The following ZKSCAN7 variants were observed in gnomAD, a reference collection of about 807,000 sequenced individuals.
ZKSCAN7 encodes the protein zinc finger with KRAB and SCAN domains 7, also known as zinc finger protein with KRAB and SCAN domains 7.
ZKSCAN7 carries 38 observed loss-of-function variants against 65.3 expected under a neutral mutation model. The observed-to-expected ratio is 0.58, with a 90% CI of 0.45 to 0.76. The LOEUF is 0.76. Ranked by LOEUF, ZKSCAN7 falls within the 30% of genes least tolerant of loss-of-function variation. ZKSCAN7 has a pLI of 0.00. For synonymous variants in ZKSCAN7, 321 were observed against 321.0 expected (o/e 1.00, Z 0.00); for missense variants, 815 against 913.3 (o/e 0.89, Z 1.39).
At chr3:44,567,581 G>A (rs1432942831) in intron 3 of ZKSCAN7, among the ~76,000 whole-genome samples, 3 of 152,170 alleles carry the variant, frequency 2.0e-5, no homozygotes, top group African/African-American at 7.2e-5. Context: ...GCAGGAGCAG[G>A]CATGAGGAAC....
intron 5 of ZKSCAN7, among the ~76,000 whole-genome samples, chr3:44,582,777 C>T (rs2125739092): frequency 6.6e-6 from 1 of 152,256 alleles, no homozygotes; most frequent in African/African-American, 2.4e-5. Context: ...AATCATTCCT[C>T]CCTGGGACCA....
chr3:44,574,363 C>G (rs1238047025), downstream of ZKSCAN7, among the ~76,000 whole-genome samples: 3 of 152,156 alleles, frequency 2.0e-5, no homozygotes, highest in Non-Finnish European at 2.9e-5. Context: ...GTCCGCCTGT[C>G]TTGGCCTACC....
At position 44,580,869 on chromosome 3, in the gene ZKSCAN7, G is replaced by A. The variant is rs538772492; in HGVS notation, c.812-2103G>A. On this transcript the variant is annotated intron_variant, in intron 5 of 5. Transcript: ENST00000341840. ...GTTGTCAAAGTCGGTCCCATCTGGA[G>A]CCAGGAGGAGCCAACCGCCATAAAT... The A allele has an allele frequency of 3.6e-4, 574 of 1,613,558 alleles. 8 individuals are homozygous for A. In the South Asian group the frequency reaches 6.1e-3, roughly 17 times the overall value.
In ZKSCAN7 at chr3:44,571,061, A is replaced by G; in HGVS notation, c.1951A>G (p.Ile651Val). The change falls in exon 6 of 6, where the codon ATT (isoleucine) becomes GTT (valine). Residue 651 changes from isoleucine (I) to valine (V), a missense_variant. Ile to Val is a conservative substitution (Grantham distance 29). This residue lies in a region of ZKSCAN7 where 578 missense variants were observed against 629.5 expected (regional missense o/e 0.92). Coordinates refer to ENST00000426540, the MANE Select transcript of ZKSCAN7 (RefSeq NM_001288590.2). ...ATCCTTCAATCAAAACTCACACCTT[A>G]TTATACACCAGAGAATTCACACTGG... ...GKSFNQNSHLIIHQRIHTGEK... is the reference protein window; with the variant it reads ...GKSFNQNSHLVIHQRIHTGEK... 1 of 1,614,180 alleles carries G rather than the reference A, an allele frequency of 6.2e-7. No individual in the cohort carries two copies. Among genetic ancestry groups the G allele is most frequent in the Non-Finnish European group, 8.5e-7 (1 of 1,180,016 alleles).
chr3:44,557,091 G>C lies in ZKSCAN7; in HGVS notation c.44G>C (p.Ser15Thr), dbSNP rs1559421204. 16 of 1,614,256 alleles carry C rather than the reference G, an allele frequency of 9.9e-6. No homozygotes were observed. The highest frequency in any genetic ancestry group is 1.4e-5 in the Non-Finnish European group (16 of 1,180,048). The change falls in exon 2 of 6, where the codon AGC becomes ACC. Residue 15 changes from serine to threonine, a missense_variant. Ser to Thr is a moderately conservative substitution (Grantham distance 58). Transcript: ENST00000426540. Reference protein sequence around the residue: ...GRGNLGLIPRSTAFQKQEGRL... With the variant: ...GRGNLGLIPRTTAFQKQEGRL... ...GGAAATTTAGGCCTCATCCCCAGGAGCACTGCTTTCCAGAAGCAAGAGGGG... is the reference window on the plus strand; with the variant it reads ...GGAAATTTAGGCCTCATCCCCAGGACCACTGCTTTCCAGAAGCAAGAGGGG...
chr3:44,578,718 C>T (rs540444836), intron 5 of ZKSCAN7, among the ~76,000 whole-genome samples: 2 of 152,278 alleles, frequency 1.3e-5, no homozygotes, highest in African/African-American at 2.4e-5. Flanking sequence ...TTCATGGCTT[C>T]GATGGCTGAG....
rs1189089074 is a variant in ZKSCAN7 at position 44,572,157 on chromosome 3, C to T, written c.*782C>T. The T allele has an allele frequency of 2.0e-6, 2 of 985,270 alleles. No individual in the cohort carries two copies. Among genetic ancestry groups the T allele is most frequent in the African/African-American group, 1.7e-5 (1 of 57,224 alleles). 61.0% of individuals were successfully genotyped at this position (985,270 alleles called of 1,614,324 possible). ...GTTAAATAAATAATTTTTAAAATCT[C>T]AGCTCTCACATTGAATTATCCTTAA... On this transcript the variant is annotated 3_prime_UTR_variant, in exon 6 of 6. Transcript: ENST00000426540.
Position 44,568,380 on chromosome 3 carries a change from G to C in ZKSCAN7, c.758G>C (p.Arg253Thr). 6 of 1,614,174 alleles carry C rather than the reference G, an allele frequency of 3.7e-6. No individual in the cohort carries two copies. Among genetic ancestry groups the C allele is most frequent in the Non-Finnish European group, 5.1e-6 (6 of 1,180,026 alleles). ...KKWKSLTLSQ[R>T]ALQWNMMPEN... is the part of the protein sequence containing the mutation. The stretch of plus-strand genomic sequence containing the variant: ...TGGAAAAGTCTCACACTCAGTCAGA[G>C]AGCCCTGCAGTGGAACATGATGCCA... The change falls in exon 5 of 6, where the codon AGA becomes ACA. Residue 253 changes from arginine to threonine, a missense_variant. Physicochemically the swap from Arg to Thr is moderately conservative, Grantham distance 71. Coordinates refer to ENST00000426540, the MANE Select transcript of ZKSCAN7 (RefSeq NM_001288590.2).
chr3:44,571,202 A>C lies in ZKSCAN7; in HGVS notation c.2092A>C (p.Lys698Gln), dbSNP rs1388520144. The change falls in exon 6 of 6, where the codon AAA becomes CAA. Residue 698 changes from lysine (K) to glutamine (Q), a missense_variant. Physicochemically the swap from Lys to Gln is moderately conservative, Grantham distance 53. Coordinates refer to ENST00000426540, the MANE Select transcript of ZKSCAN7 (RefSeq NM_001288590.2). ...ACCCTATAAATGCAATGATTGTGGG[A>C]AAGCTTTTAGTGACAGCTCACAGCT... ...EKPYKCNDCGKAFSDSSQLIV... is the reference protein window; with the variant it reads ...EKPYKCNDCGQAFSDSSQLIV... 6.2e-7 allele frequency: 1 copy of C among 1,614,218 alleles called. No homozygotes were observed.
chr3:44,574,077 G>A (rs762245779), downstream of ZKSCAN7, among the ~76,000 whole-genome samples: 3 of 152,018 alleles, frequency 2.0e-5, no homozygotes, highest in Non-Finnish European at 4.4e-5. Flanking sequence ...TCATTTTCTA[G>A]GTATATAATA....
downstream of ZKSCAN7, among the ~76,000 whole-genome samples, chr3:44,575,664 G>A (rs1699908602): frequency 1.3e-5 from 2 of 152,082 alleles, no homozygotes; most frequent in Admixed American, 1.3e-4. Flanking sequence ...TGCAACCTCC[G>A]CCTCCCAGGT....
Position 44,569,982 on chromosome 3 carries a change from C to A in ZKSCAN7, c.872C>A (p.Ser291Ter), listed in dbSNP as rs370611498. Residue 291 changes from serine (S) to a stop codon, truncating the protein, a stop_gained, in exon 6 of 6, where the codon TCA becomes TAA. Transcript: ENST00000426540. LOFTEE classifies it high-confidence loss of function. Reference sequence around the variant, plus strand: ...CCAAAGCAGGAATTTTTTAAAGGATCAGAGTCATCTAACAGGACATCAGGG... The same window carrying A: ...CCAAAGCAGGAATTTTTTAAAGGATAAGAGTCATCTAACAGGACATCAGGG... ...LTPKQEFFKG[S>*]ESSNRTSGGL... The A allele has an allele frequency of 5.3e-5, 84 of 1,599,990 alleles. No homozygotes were observed. The highest frequency in any genetic ancestry group is 6.7e-5 in the Non-Finnish European group (79 of 1,174,578).
chr3:44,583,245 T>C (rs922957845), exon 6 of ZKSCAN7: 1 of 213,984 alleles, frequency 4.7e-6, no homozygotes, highest in Non-Finnish European at 9.4e-6. Flanking sequence ...TTTAAGTTTC[T>C]TGATGTAGTG....
chr3:44,560,506 CTTTTT>C (rs33986362), intron 2 of ZKSCAN7, among the ~76,000 whole-genome samples: 29 of 108,414 alleles, frequency 2.7e-4, no homozygotes, highest in Admixed American at 7.6e-4. Context: ...TTTCCTGTAT[CTTTTT>C]TTTTTTTTTT....
chr3:44,567,197 A>T (rs1449979589), intron 3 of ZKSCAN7, among the ~76,000 whole-genome samples: 2 of 151,620 alleles, frequency 1.3e-5, no homozygotes, highest in African/African-American at 4.8e-5. Flanking sequence ...AAAGAAAGAG[A>T]GGGAGGGAGG....
At chr3:44,582,139 G>T (rs990722007) in intron 5 of ZKSCAN7, among the ~76,000 whole-genome samples, 4 of 152,160 alleles carry the variant, frequency 2.6e-5, no homozygotes, top group African/African-American at 9.7e-5. Context: ...ATTACAGCTG[G>T]CTCCACAAGC....
intron 2 of ZKSCAN7, among the ~76,000 whole-genome samples, chr3:44,558,762 T>C (rs985238624): frequency 6.7e-6 from 1 of 148,672 alleles, no homozygotes; most frequent in African/African-American, 2.5e-5. Flanking sequence ...CTTCCTCGTC[T>C]GCTTTCTCCT....
chr3:44,561,504 C>A (rs1021178947), intron 2 of ZKSCAN7, among the ~76,000 whole-genome samples: 1 of 152,186 alleles, frequency 6.6e-6, no homozygotes, highest in Non-Finnish European at 1.5e-5. Flanking sequence ...TCTCAACAGT[C>A]CCCCAGACTT....
In ZKSCAN7 at chr3:44,559,156, G is replaced by A. The variant is rs141917489; in HGVS notation, c.423+1686G>A. Among the ~76,000 whole-genome samples, 15 of 151,830 alleles carry A rather than the reference G, an allele frequency of 9.9e-5. No individual in the cohort carries two copies. In the East Asian group the frequency reaches 2.5e-3, roughly 25 times the overall value. On this transcript the variant is annotated intron_variant, in intron 2 of 5. Transcript: ENST00000426540. ...TTGAATCAGGCTCATGCATTCATCCGTTATCTAGTATAATCTCCCTTACTT... is the reference window on the plus strand; with the variant it reads ...TTGAATCAGGCTCATGCATTCATCCATTATCTAGTATAATCTCCCTTACTT...
Sources: allele counts gnomAD v4.1 joint callset (sites outside exome capture counted in the v4.1 genomes callset), GRCh38; gene constraint gnomAD v4.1.1; regional missense constraint gnomAD v4.1.1; transcripts MANE v1.5; gene names NCBI Gene and HGNC (gene_info 2026-07-23, HGNC 2026-07-21).